The following CNTLN variants were observed in gnomAD, a reference collection of about 807,000 sequenced individuals.
The protein encoded by CNTLN is centlein, centrosomal protein.
Under a neutral mutation model 180.0 loss-of-function variants are expected in CNTLN, and 212 were observed. That is an observed-to-expected ratio of 1.18 (90% CI 1.05 to 1.32). CNTLN has a LOEUF of 1.32. Among genes scored for constraint, CNTLN ranks in the 40% most tolerant of loss-of-function variants. The pLI is 0.00. For synonymous variants in CNTLN, 722 were observed against 563.1 expected (o/e 1.28, Z -3.99); for missense variants, 2,095 against 1,610.9 (o/e 1.30, Z -5.14).
chr9:17,168,536 A>G (rs1394791625), intron 2 of CNTLN: 1 of 152,108 alleles, frequency 6.6e-6, no homozygotes, highest in African/African-American at 2.4e-5. Context: ...GGATGATATT[A>G]AGAATTAAAT....
chr9:17,174,324 C>G (rs1820584328), intron 2 of CNTLN, among the ~76,000 whole-genome samples: 1 of 152,060 alleles, frequency 6.6e-6, no homozygotes, highest in African/African-American at 2.4e-5. Flanking sequence ...TTGTTGTAAA[C>G]CTAAGTTTTT....
intron 12 of CNTLN, among the ~76,000 whole-genome samples, chr9:17,359,739 A>ACAAAACAAAAAACAAAAACAAC (rs1823184433): frequency 8.3e-6 from 1 of 120,018 alleles, no homozygotes; most frequent in Non-Finnish European, 1.7e-5. Flanking sequence ...AAAAAAAAAA[A>ACAAAACAAAAAACAAAAACAAC]AAAAAAAAAA....
chr9:17,269,419 A>C (rs1428081168), intron 5 of CNTLN, among the ~76,000 whole-genome samples: 1 of 151,930 alleles, frequency 6.6e-6, no homozygotes, highest in Non-Finnish European at 1.5e-5. Context: ...GCCTCTTACC[A>C]TTCCTTTTTC....
In CNTLN at chr9:17,384,226, A is replaced by G. The variant is rs145220907; in HGVS notation, c.1988-3936A>G. On this transcript the variant is annotated intron_variant, in intron 13 of 25. Coordinates refer to ENST00000380647, the MANE Select transcript of CNTLN (RefSeq NM_017738.4). ...ATCGAGTTCATCAAGTCCCCAGCTT[A>G]AAGACATTTTATTTTTAAGGCAAGG... Among the ~76,000 whole-genome samples, 428 of 152,194 alleles carry G rather than the reference A, an allele frequency of 2.8e-3. 4 individuals are homozygous for G. Among genetic ancestry groups the G allele is most frequent in the African/African-American group, 9.7e-3 (401 of 41,516 alleles).
intron 2 of CNTLN, among the ~76,000 whole-genome samples, chr9:17,209,597 C>G (rs2131950196): frequency 6.6e-6 from 1 of 152,270 alleles, no homozygotes; most frequent in African/African-American, 2.4e-5. Flanking sequence ...TTTGGGTTCT[C>G]CAGTGTTAGG....
At chr9:17,280,004 A>T (rs953161462) in intron 6 of CNTLN, among the ~76,000 whole-genome samples, 11 of 152,168 alleles carry the variant, frequency 7.2e-5, no homozygotes, top group Admixed American at 1.3e-4. Context: ...AGGACTCTGC[A>T]TAGAGTCCCC....
At chr9:17,528,149 CCCTACT>C in the CNTLN span, among the ~76,000 whole-genome samples, 2 of 152,082 alleles carry the variant, frequency 1.3e-5, no homozygotes, top group African/African-American at 4.8e-5. Flanking sequence ...GGGGAAAACC[CCCTACT>C]CCTTATGTGT....
chr9:17,301,457 C>G (rs946430338), intron 7 of CNTLN: 1 of 985,188 alleles, frequency 1.0e-6, no homozygotes, highest in Non-Finnish European at 1.2e-6. Context: ...AATTGGCTTA[C>G]TTTTCCTTGT....
intron 18 of CNTLN, among the ~76,000 whole-genome samples, chr9:17,431,983 G>T (rs1302312650): frequency 6.6e-6 from 1 of 152,118 alleles, no homozygotes; most frequent in Non-Finnish European, 1.5e-5. Context: ...CCTCTACATT[G>T]TGTGTAAATA....
intron 12 of CNTLN, among the ~76,000 whole-genome samples, chr9:17,346,187 G>A: frequency 6.6e-6 from 1 of 152,122 alleles, no homozygotes. Flanking sequence ...AGAGGAGTGA[G>A]AAGTGAAGGG....
chr9:17,448,826 A>G (rs1348718033), intron 18 of CNTLN, among the ~76,000 whole-genome samples: 1 of 152,224 alleles, frequency 6.6e-6, no homozygotes, highest in Non-Finnish European at 1.5e-5. Flanking sequence ...TGAAGGAAGA[A>G]TATAATTAAA....
At chr9:17,343,752 T>A (rs1821664379) in intron 12 of CNTLN, among the ~76,000 whole-genome samples, 1 of 152,102 alleles carries the variant, frequency 6.6e-6, no homozygotes. Context: ...CCGTCCATTA[T>A]CACAATCTAT....
intron 18 of CNTLN, among the ~76,000 whole-genome samples, chr9:17,442,022 T>A (rs972717573): frequency 6.6e-6 from 1 of 152,180 alleles, no homozygotes; most frequent in South Asian, 2.1e-4. Context: ...TCAGAACTCC[T>A]GTATGTATAG....
rs1831535255 is a variant in CNTLN, at chr9:17,462,919, G to T, written c.3310G>T (p.Ala1104Ser). Residue 1104 changes from alanine to serine, a missense_variant, in exon 20 of 26, where the codon GCT (alanine) becomes TCT (serine). Physicochemically the swap from Ala to Ser is moderately conservative, Grantham distance 99 (BLOSUM62 1). Transcript: ENST00000380647. ...TTTATTTCTATTTTTAATCTAGAAT[G>T]CTACTAATGAACTCACTAAACAGTC... Reference protein sequence around the residue: ...MKQLQYKLKNATNELTKQSSN... With the variant: ...MKQLQYKLKNSTNELTKQSSN... 6.7e-7 allele frequency: 1 copy of T among 1,503,082 alleles called. No homozygotes were observed. Among genetic ancestry groups the T allele is most frequent in the East Asian group, 2.5e-5 (1 of 40,178 alleles). The allele number at this position is 1,503,082 out of a possible 1,614,324, so 93.1% of individuals were successfully genotyped here.
intron 5 of CNTLN, among the ~76,000 whole-genome samples, chr9:17,266,291 A>C (rs1240290494): frequency 6.6e-6 from 1 of 152,140 alleles, no homozygotes; most frequent in Admixed American, 6.5e-5. Context: ...TCATTTCATT[A>C]TGTACCCAGT....
chr9:17,280,446 T>C (rs1339876510), intron 6 of CNTLN, among the ~76,000 whole-genome samples: 1 of 152,204 alleles, frequency 6.6e-6, no homozygotes, highest in African/African-American at 2.4e-5. Context: ...TTTTTTATTA[T>C]CTTTTTCATT....
chr9:17,274,095 C>T (rs962176225), intron 6 of CNTLN, among the ~76,000 whole-genome samples: 2 of 152,036 alleles, frequency 1.3e-5, no homozygotes, highest in African/African-American at 4.8e-5. Context: ...ACCCTAGTTT[C>T]AGTTTTTAAC....
the CNTLN span, among the ~76,000 whole-genome samples, chr9:17,512,574 G>A: frequency 2.0e-5 from 3 of 152,274 alleles, no homozygotes; most frequent in African/African-American, 7.2e-5. Context: ...TTCACTAGAA[G>A]AGCAGCAAAC....
intron 3 of CNTLN, among the ~76,000 whole-genome samples, chr9:17,227,301 T>C (rs984058769): frequency 6.6e-6 from 1 of 151,958 alleles, no homozygotes; most frequent in Non-Finnish European, 1.5e-5. Flanking sequence ...CAGTAAATTA[T>C]ACAATTACAT....
Sources: allele counts gnomAD v4.1 joint callset (sites outside exome capture counted in the v4.1 genomes callset), GRCh38; gene constraint gnomAD v4.1.1; transcripts MANE v1.5; gene names NCBI Gene and HGNC (gene_info 2026-07-23, HGNC 2026-07-21).